The following ZNF200 variants were observed in gnomAD, a reference collection of about 807,000 sequenced individuals.
ZNF200 encodes the protein zinc finger protein 200.
A neutral mutation model predicts 33.6 loss-of-function variants in ZNF200; 35 were observed. That is an observed-to-expected ratio of 1.04 (90% CI 0.80 to 1.38). The LOEUF is 1.38. ZNF200 is among the 40% of genes most tolerant of loss of function. The pLI, the probability that ZNF200 is intolerant of heterozygous loss-of-function variation, is 0.00. For missense variants in ZNF200, 592 were observed against 470.6 expected, an observed-to-expected ratio of 1.26 and a Z score of -2.39; for synonymous variants, 209 against 167.7, an observed-to-expected ratio of 1.25 and a Z score of -1.90.
intron 4 of ZNF200, among the ~76,000 whole-genome samples, chr16:3,229,086 G>C (rs1958560219): frequency 6.6e-6 from 1 of 151,266 alleles, no homozygotes; most frequent in African/African-American, 2.4e-5. Flanking sequence ...CTTTGTATTA[G>C]GTATTATAAT....
rs947223799 is a variant in ZNF200, at chr16:3,224,463, T to C, written c.617A>G (p.Asn206Ser). 2 of 1,614,206 alleles carry C rather than the reference T, an allele frequency of 1.2e-6. No individual in the cohort carries two copies. The highest frequency in any genetic ancestry group is 4.5e-5 in the East Asian group (2 of 44,882). Residue 206 changes from asparagine (N) to serine (S), a missense_variant, in exon 5 of 5, where the codon AAT becomes AGT. Physicochemically the swap from Asn to Ser is conservative, Grantham distance 46 (BLOSUM62 1). Transcript: ENST00000414144. ...PPDNQEKERL[N>S]TSIPQKRKMR... ...TTTCCTTTTTTGTGGAATGGATGTA[T>C]TTAGTCGTTCCTTTTCCTGGTTATC... is the stretch of plus-strand genomic sequence containing the variant.
chr16:3,234,001 G>C, intron 1 of ZNF200, 165 bp from the exon 2 acceptor site: 1 of 402,626 alleles, frequency 2.5e-6, no homozygotes, highest in Non-Finnish European at 4.3e-6. Context: ...TGCTTAGGAA[G>C]ATGTGAAAGG....
At chr16:3,225,025 T>C (rs1958431531) in intron 4 of ZNF200, 1 of 166,216 alleles carries the variant, frequency 6.0e-6, no homozygotes, top group Non-Finnish European at 1.3e-5. Flanking sequence ...GAACCACTTG[T>C]AGGTTTTCAC....
chr16:3,228,546 G>A (rs1386825287), intron 4 of ZNF200, among the ~76,000 whole-genome samples: 3 of 151,918 alleles, frequency 2.0e-5, no homozygotes, highest in Admixed American at 1.3e-4. Flanking sequence ...CTAGGCTGGA[G>A]TACAATGATG....
chr16:3,224,796 T>A (rs1243168173), intron 4 of ZNF200, 183 bp from the exon 5 acceptor site: 3 of 667,616 alleles, frequency 4.5e-6, no homozygotes, highest in Admixed American at 6.5e-5. Flanking sequence ...AATCTTTCCA[T>A]CTACCACAAT....
chr16:3,232,629 G>C, intron 3 of ZNF200, 82 bp from the exon 4 acceptor site: 3 of 1,573,748 alleles, frequency 1.9e-6, no homozygotes, highest in Non-Finnish European at 1.7e-6. Context: ...GACACACAAA[G>C]ATCAAGGGAA....
rs879320030 is a variant in ZNF200 at position 3,234,242 on chromosome 16, TA to T, written c.-81-407del. On this transcript the variant is annotated intron_variant, in intron 1 of 4. Coordinates refer to ENST00000414144, the MANE Select transcript of ZNF200 (RefSeq NM_198088.3). ...GCAACACAGCAAGACACCGACTCCATAAAAAAAAAAAAAATTAGCTGGGCGT... is the reference window on the plus strand; with the variant it reads ...GCAACACAGCAAGACACCGACTCCATAAAAAAAAAAAAATTAGCTGGGCGT... 5.7e-3 allele frequency: 780 copies of T among 136,870 alleles called. 2 individuals carry two copies. Among genetic ancestry groups the T allele is most frequent in the African/African-American group, 0.015 (575 of 37,358 alleles). The allele number at this position is 136,870 out of a possible 1,614,324, so 8.5% of individuals were successfully genotyped here. A position where few individuals can be genotyped will look rare whatever the true frequency, so the allele number is the denominator to read the frequency against.
At chr16:3,233,364 G>C in intron 2 of ZNF200, 142 bp downstream of exon 2, 1 of 1,200,700 alleles carries the variant, frequency 8.3e-7, no homozygotes, top group East Asian at 2.6e-5. Context: ...CACTTGAGAA[G>C]AACTTCCTCT....
intron 1 of ZNF200, 184 bp from the exon 2 acceptor site, chr16:3,234,020 G>A: frequency 2.9e-6 from 1 of 350,428 alleles, no homozygotes; most frequent in Non-Finnish European, 5.0e-6. Context: ...GGAAGATCCT[G>A]AGAATGAAAA....
At chr16:3,229,863 CA>C (rs34447919) in intron 4 of ZNF200, among the ~76,000 whole-genome samples, 61,399 of 143,646 alleles carry the variant, frequency 0.43, 12,641 homozygotes, top group East Asian at 0.58. Context: ...GACTCCGTCT[CA>C]AAAAAAAAAA....
intron 4 of ZNF200, among the ~76,000 whole-genome samples, chr16:3,230,337 G>C (rs1351499832): frequency 6.6e-6 from 1 of 152,180 alleles, no homozygotes; most frequent in Non-Finnish European, 1.5e-5. Flanking sequence ...AAATTTTCCA[G>C]GTGGAAGGAA....
chr16:3,229,655 G>A (rs1018118179), intron 4 of ZNF200, among the ~76,000 whole-genome samples: 3 of 152,134 alleles, frequency 2.0e-5, no homozygotes, highest in African/African-American at 4.8e-5. Flanking sequence ...CACAAGGTCA[G>A]GAGATTGAGA....
chr16:3,233,887 T>G (rs1958717322), intron 1 of ZNF200, 51 bp from the exon 2 acceptor site: 2 of 1,426,950 alleles, frequency 1.4e-6, no homozygotes, highest in Non-Finnish European at 1.9e-6. Flanking sequence ...ACGGCATTAC[T>G]GCACTCCAAT....
At chr16:3,224,781 T>C (rs1958425507) in intron 4 of ZNF200, 168 bp from the exon 5 acceptor site, 1 of 769,712 alleles carries the variant, frequency 1.3e-6, no homozygotes, top group South Asian at 2.1e-5. Context: ...GATACATAAC[T>C]GATAAATCTT....
intron 4 of ZNF200, chr16:3,226,629 A>G (rs961997695): frequency 2.0e-5 from 3 of 152,228 alleles, no homozygotes; most frequent in Non-Finnish European, 4.4e-5. Flanking sequence ...TCTTGTCTAA[A>G]TAATTTTTAA....
rs1285996903 is a variant in ZNF200, at chr16:3,233,498, C to A, written c.250+8G>T. Reference sequence around the variant, plus strand: ...CCTCTTCTAGTGAAACAAGCATGTGCTTCTCACCTCTGTTCTGAAGGCTTG... The same window carrying A: ...CCTCTTCTAGTGAAACAAGCATGTGATTCTCACCTCTGTTCTGAAGGCTTG... On this transcript the variant is annotated splice_region_variant and intron_variant, in intron 2 of 4. Coordinates refer to ENST00000414144, the MANE Select transcript of ZNF200 (RefSeq NM_198088.3). 6.6e-7 allele frequency: 1 copy of A among 1,517,332 alleles called. No individual in the cohort carries two copies. The highest frequency in any genetic ancestry group is 1.4e-5 in the African/African-American group (1 of 71,494). 94.0% of individuals were successfully genotyped at this position (1,517,332 alleles called of 1,614,324 possible).
intron 4 of ZNF200, among the ~76,000 whole-genome samples, chr16:3,231,848 C>T (rs1297309671): frequency 6.6e-6 from 1 of 152,206 alleles, no homozygotes; most frequent in Non-Finnish European, 1.5e-5. Flanking sequence ...CCCCTCTCTG[C>T]CTCAGTTCTG....
chr16:3,232,947 G>C (rs761490962), intron 2 of ZNF200, 26 bp from the exon 3 acceptor site: 21 of 1,603,492 alleles, frequency 1.3e-5, no homozygotes, highest in Non-Finnish European at 1.6e-5. Context: ...GGTTTAGTTA[G>C]TGAAAAACTC....
At chr16:3,231,808 C>A (rs960212789) in intron 4 of ZNF200, among the ~76,000 whole-genome samples, 3 of 152,226 alleles carry the variant, frequency 2.0e-5, no homozygotes, top group Non-Finnish European at 4.4e-5. Context: ...CCCCTACTTA[C>A]AACTGTGTGA....
Sources: gnomAD v4.1 joint callset for allele counts (sites outside exome capture counted in the v4.1 genomes callset) on GRCh38, gnomAD v4.1.1 for gene constraint, MANE v1.5 for transcripts, NCBI Gene and HGNC (gene_info 2026-07-23, HGNC 2026-07-21) for gene names.